EPHA4: variants seen among roughly 807,000 people sequenced by gnomAD.
EPHA4 encodes EPH receptor A4.
Under a neutral mutation model 108.3 loss-of-function variants are expected in EPHA4, and 19 were observed. The observed-to-expected ratio is 0.18, with a 90% CI of 0.12 to 0.26. The LOEUF is 0.26. EPHA4 is among the 10% of genes least tolerant of loss of function. The pLI, the probability that EPHA4 is intolerant of heterozygous loss-of-function variation, is 1.00. For synonymous variants in EPHA4, 449 were observed against 455.5 expected (o/e 0.99, Z 0.18); for missense variants, 917 against 1,254.0 (o/e 0.73, Z 4.06).
intron 11 of EPHA4, among the ~76,000 whole-genome samples, chr2:221,442,340 G>A (rs1574566086): frequency 6.6e-6 from 1 of 152,220 alleles, no homozygotes; most frequent in Non-Finnish European, 1.5e-5. Context: ...AGGTGTTACT[G>A]TAAATAGGTG....
intron 4 of EPHA4, among the ~76,000 whole-genome samples, chr2:221,499,752 ATATATTTTTTT>A (rs1360970508): frequency 2.4e-5 from 1 of 41,352 alleles, no homozygotes; most frequent in African/African-American, 1.4e-4. Flanking sequence ...ATATATATAT[ATATATTTTTTT>A]TTTTTTTTTT....
chr2:221,472,915 G>C (rs768003398), intron 5 of EPHA4, among the ~76,000 whole-genome samples: 2 of 152,140 alleles, frequency 1.3e-5, no homozygotes, highest in African/African-American at 4.8e-5. Flanking sequence ...TGTCAGAATA[G>C]AGAAAGAAGA....
Position 221,456,701 on chromosome 2 carries a change from A to G in EPHA4, c.1515T>C (p.Pro505=). The part of the protein sequence containing the change: ...ARNTDIKGLN[P]LTSYVFHVRA... ...GCACGTGGAAAACATAGGAAGTGAG[A>G]GGGTTCAGGCCTTTGATATCTGTGT... The change falls in exon 7 of 18, where the codon CCT becomes CCC. Residue 505 remains proline (P), a synonymous_variant. Coordinates refer to ENST00000281821, the MANE Select transcript of EPHA4 (RefSeq NM_004438.5). 1 of 1,613,992 alleles carries G rather than the reference A, an allele frequency of 6.2e-7. No homozygotes were observed. The highest frequency in any genetic ancestry group is 8.5e-7 in the Non-Finnish European group (1 of 1,179,918).
At chr2:221,511,547 T>C (rs544459980) in intron 3 of EPHA4, among the ~76,000 whole-genome samples, 14 of 152,294 alleles carry the variant, frequency 9.2e-5, no homozygotes, top group Admixed American at 6.5e-4. Flanking sequence ...TTTTTGTCTA[T>C]AAATCTTCTT....
chr2:221,438,692 A>G (rs62180562), intron 11 of EPHA4, among the ~76,000 whole-genome samples: 38,113 of 151,866 alleles, frequency 0.25, 4,936 homozygotes, highest in African/African-American at 0.31. Context: ...GGCTGAGACA[A>G]GAGAATCACT....
chr2:221,428,887 T>G (rs765603095), intron 15 of EPHA4, among the ~76,000 whole-genome samples: 29 of 152,340 alleles, frequency 1.9e-4, no homozygotes, highest in Admixed American at 7.2e-4. Context: ...CTACTATCTA[T>G]TCCACAGTTC....
At chr2:221,556,852 T>G (rs1694320166) in intron 3 of EPHA4, among the ~76,000 whole-genome samples, 1 of 152,222 alleles carries the variant, frequency 6.6e-6, no homozygotes. Context: ...CTTACTGTGC[T>G]TAATCTATAA....
intron 13 of EPHA4, among the ~76,000 whole-genome samples, chr2:221,434,773 GA>G (rs1690180183): frequency 6.6e-6 from 1 of 152,138 alleles, no homozygotes; most frequent in Non-Finnish European, 1.5e-5. Flanking sequence ...TACAGCATGA[GA>G]AATATGTCCA....
intron 3 of EPHA4, among the ~76,000 whole-genome samples, chr2:221,556,692 T>C (rs1393117535): frequency 6.6e-6 from 1 of 152,120 alleles, no homozygotes; most frequent in East Asian, 1.9e-4. Context: ...ATGATTTGGC[T>C]TTCTGTGGTT....
chr2:221,454,780 CTGT>C (rs963501156), intron 8 of EPHA4, among the ~76,000 whole-genome samples: 1 of 152,198 alleles, frequency 6.6e-6, no homozygotes, highest in Non-Finnish European at 1.5e-5. Flanking sequence ...TGCTGCCAAT[CTGT>C]TGTTATTTCT....
chr2:221,513,822 A>C (rs1287290770), intron 3 of EPHA4, among the ~76,000 whole-genome samples: 1 of 152,082 alleles, frequency 6.6e-6, no homozygotes, highest in Non-Finnish European at 1.5e-5. Context: ...TATGTGTTTG[A>C]CTCTTTCAAC....
At chr2:221,437,415 A>G (rs1690275009) in intron 11 of EPHA4, 2 of 266,792 alleles carry the variant, frequency 7.5e-6, no homozygotes, top group Non-Finnish European at 7.0e-6. Context: ...TTGCTCTCTC[A>G]AGCAAAAGGG....
In EPHA4 at chr2:221,572,225, G is replaced by C. The variant is rs747218485; in HGVS notation, c.24C>G (p.Ala8=). Residue 8 remains alanine, a synonymous_variant, in exon 1 of 18, where the codon GCC becomes GCG. Coordinates refer to ENST00000281821, the MANE Select transcript of EPHA4 (RefSeq NM_004438.5). The stretch of plus-strand genomic sequence containing the variant: ...AAATCCCGAAGAGACACGAAAATAG[G>C]GCGAAATAGAAAATCCCAGCCATGG... MAGIFYF[A]LFSCLFGICD... The C allele has an allele frequency of 9.3e-6, 15 of 1,614,038 alleles. No individual in the cohort carries two copies. The highest frequency in any genetic ancestry group is 1.2e-5 in the Non-Finnish European group (14 of 1,179,986).
chr2:221,509,189 G>A (rs966112685), intron 3 of EPHA4, among the ~76,000 whole-genome samples: 9 of 152,126 alleles, frequency 5.9e-5, no homozygotes, highest in African/African-American at 9.7e-5. Context: ...TTAGCCAGGC[G>A]TGGTGGCCCC....
At chr2:221,476,631 T>C (rs1691659356) in intron 5 of EPHA4, among the ~76,000 whole-genome samples, 1 of 152,242 alleles carries the variant, frequency 6.6e-6, no homozygotes, top group Non-Finnish European at 1.5e-5. Flanking sequence ...CTGCCATGCC[T>C]ACAGCATATT....
chr2:221,561,097 C>T (rs1694448530), intron 3 of EPHA4, among the ~76,000 whole-genome samples: 2 of 152,058 alleles, frequency 1.3e-5, no homozygotes, highest in African/African-American at 4.8e-5. Flanking sequence ...AAAAAATTAG[C>T]CAGGCGTGGT....
chr2:221,513,562 T>C (rs1213368229), intron 3 of EPHA4, among the ~76,000 whole-genome samples: 1 of 152,094 alleles, frequency 6.6e-6, no homozygotes, highest in African/African-American at 2.4e-5. Flanking sequence ...AAGACTGAAT[T>C]CCCCAATGCT....
At chr2:221,562,317 A>G (rs1694493709) in intron 3 of EPHA4, among the ~76,000 whole-genome samples, 1 of 152,130 alleles carries the variant, frequency 6.6e-6, no homozygotes, top group Admixed American at 6.5e-5. Flanking sequence ...CCTAGAAATA[A>G]CTATAGCTAA....
At chr2:221,569,262 A>C (rs1181776355) in intron 1 of EPHA4, 1 of 152,292 alleles carries the variant, frequency 6.6e-6, no homozygotes, top group Non-Finnish European at 1.5e-5. Context: ...AAGGGTCAGG[A>C]AAAGGCTCTC....
Sources: gnomAD v4.1 joint callset for allele counts (sites outside exome capture counted in the v4.1 genomes callset) on GRCh38, gnomAD v4.1.1 for gene constraint, MANE v1.5 for transcripts, NCBI Gene and HGNC (gene_info 2026-07-23, HGNC 2026-07-21) for gene names.